The following GALNT13 variants were observed in gnomAD, a reference collection of about 807,000 sequenced individuals.
GALNT13 encodes polypeptide N-acetylgalactosaminyltransferase 13, also known as UDP-GalNAc:polypeptide N-acetylgalactosaminyltransferase 13.
A neutral mutation model predicts 64.2 loss-of-function variants in GALNT13; 28 were observed. The ratio of observed to expected loss-of-function variants is 0.44; its 90% CI spans 0.32 to 0.60. The LOEUF is 0.60. Among genes scored for constraint, GALNT13 ranks in the 20% least tolerant of loss-of-function variants. The pLI is 0.05. For synonymous variants in GALNT13, 214 were observed against 224.6 expected, an observed-to-expected ratio of 0.95 and a Z score of 0.42; for missense variants, 577 against 669.8, an observed-to-expected ratio of 0.86 and a Z score of 1.53.
intron 3 of GALNT13, among the ~76,000 whole-genome samples, chr2:154,124,964 TAAC>T (rs530262103): frequency 2.6e-5 from 4 of 152,134 alleles, no homozygotes; most frequent in Admixed American, 6.5e-5. Flanking sequence ...TAAATATTAA[TAAC>T]AAACTCTGAG....
At chr2:153,553,460 C>T in the GALNT13 span, among the ~76,000 whole-genome samples, 3 of 152,286 alleles carry the variant, frequency 2.0e-5, no homozygotes, top group African/African-American at 7.2e-5. Context: ...CATGATTGCA[C>T]CACTGCACTC....
chr2:153,220,698 A>G, the GALNT13 span, among the ~76,000 whole-genome samples: 1 of 152,210 alleles, frequency 6.6e-6, no homozygotes, highest in Admixed American at 6.5e-5. Flanking sequence ...TTCCTGCTCT[A>G]AAGCTTTTTC....
At chr2:153,374,864 AGCATTAATGGGGATAATGT>A in the GALNT13 span, among the ~76,000 whole-genome samples, 4 of 152,150 alleles carry the variant, frequency 2.6e-5, no homozygotes, top group Non-Finnish European at 5.9e-5. Flanking sequence ...TCACCTCTTC[AGCATTAATGGGGATAATGT>A]GCTGCTGCTA....
chr2:154,135,103 C>T (rs1682874422), intron 3 of GALNT13, among the ~76,000 whole-genome samples: 1 of 152,168 alleles, frequency 6.6e-6, no homozygotes. Context: ...CAGATTATTG[C>T]TGACTGTTCA....
chr2:153,272,373 G>C, the GALNT13 span, among the ~76,000 whole-genome samples: 3 of 151,530 alleles, frequency 2.0e-5, no homozygotes, highest in Admixed American at 6.6e-5. Context: ...ACTGACAAAG[G>C]GATAGTATCC....
At chr2:153,566,348 G>GTTTTTTTTTTTTTTTTTTTTTTTTTTT in the GALNT13 span, among the ~76,000 whole-genome samples, 23 of 74,794 alleles carry the variant, frequency 3.1e-4, 3 homozygotes, top group African/African-American at 1.3e-3. Context: ...TTCTAATCAC[G>GTTTTTTTTTTTTTTTTTTTTTTTTTTT]TTTTTTTTTT....
chr2:154,384,317 C>G (rs948736234), intron 9 of GALNT13, among the ~76,000 whole-genome samples: 3 of 151,790 alleles, frequency 2.0e-5, no homozygotes, highest in Non-Finnish European at 2.9e-5. Context: ...AATGTGAATG[C>G]CTTTGGTTAT....
the GALNT13 span, among the ~76,000 whole-genome samples, chr2:153,637,798 A>G: frequency 2.0e-5 from 3 of 152,206 alleles, no homozygotes; most frequent in Admixed American, 6.5e-5. Flanking sequence ...GCCAACTGAC[A>G]TGATACAGAC....
At chr2:153,554,139 AC>A in the GALNT13 span, among the ~76,000 whole-genome samples, 1 of 148,190 alleles carries the variant, frequency 6.7e-6, no homozygotes, top group African/African-American at 2.5e-5. Flanking sequence ...ACACGGTGAA[AC>A]CCTGTCTCTA....
At chr2:153,881,473 G>A (rs1686782858) in intron 1 of GALNT13, among the ~76,000 whole-genome samples, 2 of 151,478 alleles carry the variant, frequency 1.3e-5, no homozygotes. Flanking sequence ...GTGCACTAAA[G>A]TTGAGATGAA....
chr2:154,249,261 G>T (rs944716914), intron 7 of GALNT13, among the ~76,000 whole-genome samples: 1 of 152,248 alleles, frequency 6.6e-6, no homozygotes, highest in African/African-American at 2.4e-5. Context: ...ACTATTGGGC[G>T]CTGTGCTAAG....
the GALNT13 span, among the ~76,000 whole-genome samples, chr2:153,663,570 T>C: frequency 6.6e-6 from 1 of 152,312 alleles, no homozygotes; most frequent in Middle Eastern, 3.4e-3. Context: ...GAGTGTCAGT[T>C]TGAAATATGG....
At chr2:154,390,719 C>A (rs1412314260) in intron 9 of GALNT13, among the ~76,000 whole-genome samples, 1 of 152,064 alleles carries the variant, frequency 6.6e-6, no homozygotes, top group African/African-American at 2.4e-5. Context: ...ATTAATGAAA[C>A]CTGCAAACCT....
At chr2:154,164,900 G>T (rs189321507) in intron 4 of GALNT13, among the ~76,000 whole-genome samples, 1 of 152,118 alleles carries the variant, frequency 6.6e-6, no homozygotes, top group East Asian at 1.9e-4. Context: ...GACAGCAGTT[G>T]GGTCTTGTTT....
intron 11 of GALNT13, among the ~76,000 whole-genome samples, chr2:154,429,468 ACT>A (rs1700616213): frequency 6.6e-6 from 1 of 152,156 alleles, no homozygotes; most frequent in Non-Finnish European, 1.5e-5. Flanking sequence ...CAGGGCCCTA[ACT>A]CTAATTCTAT....
chr2:153,644,978 A>C, the GALNT13 span, among the ~76,000 whole-genome samples: 1 of 152,134 alleles, frequency 6.6e-6, no homozygotes, highest in Non-Finnish European at 1.5e-5. Flanking sequence ...TACTATTTCA[A>C]CATTATGATG....
chr2:154,119,748 T>C (rs1681824879), intron 3 of GALNT13, among the ~76,000 whole-genome samples: 1 of 152,190 alleles, frequency 6.6e-6, no homozygotes, highest in African/African-American at 2.4e-5. Flanking sequence ...CTGGTGTATT[T>C]TTTATCTCTA....
At chr2:153,899,935 ATTT>A (rs1167875826) in intron 1 of GALNT13, among the ~76,000 whole-genome samples, 1,228 of 98,086 alleles carry the variant, frequency 0.013, 11 homozygotes, top group African/African-American at 0.044. Context: ...ATATATATAT[ATTT>A]TTTTTTTTTT....
intron 3 of GALNT13, among the ~76,000 whole-genome samples, chr2:154,068,226 G>A (rs1252278130): frequency 6.6e-6 from 1 of 151,898 alleles, no homozygotes; most frequent in Non-Finnish European, 1.5e-5. Flanking sequence ...ATTCTGGGGA[G>A]GATGAGGACA....
Sources: allele counts gnomAD v4.1 joint callset (sites outside exome capture counted in the v4.1 genomes callset), GRCh38; gene constraint gnomAD v4.1.1; transcripts MANE v1.5; gene names NCBI Gene and HGNC (gene_info 2026-07-23, HGNC 2026-07-21).